Variants in SYT1 observed in about 807,000 individuals in gnomAD.
The protein encoded by SYT1 is synaptotagmin 1, also known as synaptotagmin-1.
In SYT1, 8 loss-of-function variants were observed where a neutral mutation model predicts 44.8. That is an observed-to-expected ratio of 0.18 (90% confidence interval 0.10 to 0.32). SYT1 has a LOEUF of 0.32. Among genes scored for constraint, SYT1 ranks in the 10% least tolerant of loss-of-function variants. The probability of loss-of-function intolerance (pLI) is 1.00; values close to 1 mark genes in which losing one functional copy is unlikely to be tolerated. For synonymous variants in SYT1, 154 were observed against 188.8 expected (o/e 0.82, Z 1.51); for missense variants, 286 against 509.3 (o/e 0.56, Z 4.22).
At chr12:79,033,065 A>C (rs1247930236) in intron 2 of SYT1, among the ~76,000 whole-genome samples, 1 of 151,318 alleles carries the variant, frequency 6.6e-6, no homozygotes, top group Non-Finnish European at 1.5e-5. Flanking sequence ...TTAATCTGAT[A>C]TTTCTCTTGA....
chr12:79,242,228 C>A (rs926037394), intron 4 of SYT1, among the ~76,000 whole-genome samples: 1 of 152,176 alleles, frequency 6.6e-6, no homozygotes, highest in Non-Finnish European at 1.5e-5. Flanking sequence ...ACGAATGCTG[C>A]AATGACTTTA....
intron 3 of SYT1, among the ~76,000 whole-genome samples, chr12:79,132,723 G>A (rs1868927790): frequency 7.3e-6 from 1 of 136,672 alleles, no homozygotes; most frequent in South Asian, 2.4e-4. Context: ...GAGCTACCAT[G>A]AGATCCAGCA....
intron 3 of SYT1, among the ~76,000 whole-genome samples, chr12:79,188,204 A>G (rs1393708580): frequency 6.6e-6 from 1 of 152,124 alleles, no homozygotes; most frequent in African/African-American, 2.4e-5. Context: ...AGCATGTAAT[A>G]CAGTAAAAAA....
chr12:79,114,446 A>C (rs557039961), intron 3 of SYT1, among the ~76,000 whole-genome samples: 1 of 152,232 alleles, frequency 6.6e-6, no homozygotes. Flanking sequence ...AGGTAGCTAC[A>C]GGTATTGGGA....
At chr12:79,360,292 A>G (rs1883270946) in intron 9 of SYT1, among the ~76,000 whole-genome samples, 1 of 152,092 alleles carries the variant, frequency 6.6e-6, no homozygotes, top group African/African-American at 2.4e-5. Context: ...TCAGTCCAGT[A>G]TCCTCTTCCC....
At chr12:79,323,633 C>T (rs766445056) in intron 8 of SYT1, among the ~76,000 whole-genome samples, 1 of 152,088 alleles carries the variant, frequency 6.6e-6, no homozygotes, top group African/African-American at 2.4e-5. Flanking sequence ...TATACATACA[C>T]ATATTCATGG....
chr12:79,073,373 T>C (rs751196117), intron 3 of SYT1, among the ~76,000 whole-genome samples: 8 of 152,160 alleles, frequency 5.3e-5, no homozygotes, highest in Non-Finnish European at 8.8e-5. Flanking sequence ...CAGGAGGAGA[T>C]AGCAAATAAA....
intron 8 of SYT1, among the ~76,000 whole-genome samples, chr12:79,351,078 A>G (rs189674921): frequency 2.2e-4 from 34 of 152,318 alleles, no homozygotes; most frequent in African/African-American, 7.7e-4. Flanking sequence ...GCAAATGTAG[A>G]TCTGTAAAGG....
chr12:79,146,538 CA>C (rs778273876), intron 3 of SYT1, among the ~76,000 whole-genome samples: 2 of 152,166 alleles, frequency 1.3e-5, no homozygotes, highest in African/African-American at 2.4e-5. Flanking sequence ...GGCCTTAACC[CA>C]AACTTCCAGT....
At chr12:79,329,608 A>T (rs765025527) in intron 8 of SYT1, among the ~76,000 whole-genome samples, 9 of 152,152 alleles carry the variant, frequency 5.9e-5, no homozygotes, top group Non-Finnish European at 1.2e-4. Flanking sequence ...CCTCACAACC[A>T]GGTGAGATCA....
intron 3 of SYT1, among the ~76,000 whole-genome samples, chr12:79,078,939 G>A (rs1386233589): frequency 6.6e-6 from 1 of 152,076 alleles, no homozygotes; most frequent in African/African-American, 2.4e-5. Context: ...AATGGTAAGT[G>A]ATAAATATAT....
At chr12:79,216,738 A>C (rs989029016) in intron 3 of SYT1, among the ~76,000 whole-genome samples, 1 of 152,186 alleles carries the variant, frequency 6.6e-6, no homozygotes, top group African/African-American at 2.4e-5. Flanking sequence ...ACATTAATAA[A>C]ATAAAATATT....
chr12:79,273,297 TG>T (rs1404903603), intron 4 of SYT1, among the ~76,000 whole-genome samples: 81 of 151,930 alleles, frequency 5.3e-4, no homozygotes, highest in African/African-American at 1.9e-3. Flanking sequence ...TATTATTTTT[TG>T]TAGAGCTAAG....
intron 3 of SYT1, among the ~76,000 whole-genome samples, chr12:79,078,491 A>AT (rs1876809433): frequency 6.6e-6 from 1 of 152,006 alleles, no homozygotes; most frequent in Non-Finnish European, 1.5e-5. Context: ...ACCTTTTTAT[A>AT]TTTTCCATTA....
intron 9 of SYT1, among the ~76,000 whole-genome samples, chr12:79,395,669 G>C (rs1050605180): frequency 6.6e-6 from 1 of 151,172 alleles, no homozygotes; most frequent in Non-Finnish European, 1.5e-5. Context: ...TTACAGGCAT[G>C]AGCCAACATG....
At chr12:79,146,561 AT>A (rs1454296893) in intron 3 of SYT1, among the ~76,000 whole-genome samples, 19 of 152,366 alleles carry the variant, frequency 1.2e-4, no homozygotes, top group African/African-American at 4.1e-4. Context: ...TGAGAAGACA[AT>A]GCTTTGAGTA....
At chr12:79,329,673 C>A (rs1881769821) in intron 8 of SYT1, among the ~76,000 whole-genome samples, 1 of 152,074 alleles carries the variant, frequency 6.6e-6, no homozygotes, top group Admixed American at 6.5e-5. Context: ...AGAAATGAAA[C>A]AATCTGCACA....
chr12:79,145,523 T>C (rs953139971), intron 3 of SYT1, among the ~76,000 whole-genome samples: 1 of 152,180 alleles, frequency 6.6e-6, no homozygotes, highest in African/African-American at 2.4e-5. Context: ...ATGCTTACAA[T>C]GTCCAAAACA....
chr12:79,274,587 C>A (rs1057317254), intron 4 of SYT1, among the ~76,000 whole-genome samples: 4 of 152,214 alleles, frequency 2.6e-5, no homozygotes, highest in Middle Eastern at 3.2e-3. Context: ...CTCACCCAAC[C>A]CCCACACAGC....
Sources: allele counts gnomAD v4.1 joint callset (sites outside exome capture counted in the v4.1 genomes callset), GRCh38; gene constraint gnomAD v4.1.1; transcripts MANE v1.5; gene names NCBI Gene and HGNC (gene_info 2026-07-23, HGNC 2026-07-21).